SGF29: variants seen among roughly 807,000 people sequenced by gnomAD.
SGF29 encodes the protein SAGA complex associated factor 29.
In SGF29, 15 loss-of-function variants were observed where a neutral mutation model predicts 38.1. The observed-to-expected ratio is 0.39, with a 90% CI of 0.26 to 0.61. The LOEUF is 0.61. Among genes scored for constraint, SGF29 ranks in the 20% least tolerant of loss-of-function variants. The pLI is 0.49. For synonymous variants in SGF29, 151 were observed against 160.8 expected (o/e 0.94, Z 0.46); for missense variants, 184 against 394.6 (o/e 0.47, Z 4.52).
Position 28,590,522 on chromosome 16 carries a change from C to T in SGF29, c.566+80C>T. The T allele has an allele frequency of 2.5e-6, 4 of 1,612,854 alleles. No homozygotes were observed. The highest frequency in any genetic ancestry group is 3.4e-6 in the Non-Finnish European group (4 of 1,179,458). ...CGGGAGAAAAGCTCTGCAGAGGGTGCTCCCCAGAGGCTGGTTGTGCAGGGA... is the reference window on the plus strand; with the variant it reads ...CGGGAGAAAAGCTCTGCAGAGGGTGTTCCCCAGAGGCTGGTTGTGCAGGGA... On this transcript the variant is annotated intron_variant, in intron 7 of 9. Transcript: ENST00000317058. The surrounding 1 kb of genome is among the most constrained non-coding windows in gnomAD (Gnocchi z 8.2).
Position 28,591,723 on chromosome 16 carries a change from C to A in SGF29, c.*17C>A. On this transcript the variant is annotated 3_prime_UTR_variant, in exon 10 of 10. Coordinates refer to ENST00000317058, the MANE Select transcript of SGF29 (RefSeq NM_138414.3). ...AAAAAGTGATGCCGCCTGGCAGACT[C>A]GCCATCCCCCAACGACACAGGGCAG... is the stretch of plus-strand genomic sequence containing the variant. The A allele has an allele frequency of 6.4e-7, 1 of 1,570,952 alleles. No individual in the cohort carries two copies. The highest frequency in any genetic ancestry group is 8.8e-7 in the Non-Finnish European group (1 of 1,141,010).
chr16:28,557,344 A>G (rs927346665), intron 1 of SGF29, among the ~76,000 whole-genome samples: 1 of 152,234 alleles, frequency 6.6e-6, no homozygotes, highest in Non-Finnish European at 1.5e-5. Context: ...TAAAATATAT[A>G]TCTGGTTTGT....
intron 1 of SGF29, among the ~76,000 whole-genome samples, chr16:28,571,680 T>G (rs1268135939): frequency 6.6e-6 from 1 of 151,814 alleles, no homozygotes; most frequent in Non-Finnish European, 1.5e-5. Flanking sequence ...GGTTCATAGT[T>G]GACGCGGTAG....
intron 1 of SGF29, among the ~76,000 whole-genome samples, chr16:28,572,260 G>A (rs1257960063): frequency 6.6e-6 from 1 of 151,350 alleles, no homozygotes; most frequent in Non-Finnish European, 1.5e-5. Context: ...ACAGGCGTGA[G>A]CCACTGCGCC....
At chr16:28,564,766 TATATATGTATATATATATATACACAC>T (rs1567286209) in intron 1 of SGF29, among the ~76,000 whole-genome samples, 6 of 59,802 alleles carry the variant, frequency 1.0e-4, no homozygotes, top group African/African-American at 2.5e-4. Context: ...TATATATGTA[TATATATGTATATATATATATACACAC>T]ACACACACAC....
chr16:28,585,513 C>A, intron 3 of SGF29, 135 bp from the exon 4 acceptor site: 1 of 794,068 alleles, frequency 1.3e-6, no homozygotes, highest in South Asian at 1.5e-5. Context: ...CAGGAGCACT[C>A]CTGAGCCAGC....
chr16:28,564,405 G>C (rs1473896171), intron 1 of SGF29, among the ~76,000 whole-genome samples: 2 of 150,788 alleles, frequency 1.3e-5, no homozygotes, highest in African/African-American at 4.9e-5. Context: ...CTTCCACCGG[G>C]TTAGAGAAGG....
chr16:28,567,775 A>G (rs2046843077), intron 1 of SGF29, among the ~76,000 whole-genome samples: 1 of 152,196 alleles, frequency 6.6e-6, no homozygotes, highest in African/African-American at 2.4e-5. Flanking sequence ...GGAACATGTT[A>G]GTGGAAACTG....
At chr16:28,572,255 C>A (rs374850306) in intron 1 of SGF29, among the ~76,000 whole-genome samples, 4 of 151,738 alleles carry the variant, frequency 2.6e-5, no homozygotes, top group Admixed American at 2.6e-4. Flanking sequence ...GGATTACAGG[C>A]GTGAGCCACT....
At chr16:28,564,624 CAT>C (rs1261090220) in intron 1 of SGF29, among the ~76,000 whole-genome samples, 4 of 98,758 alleles carry the variant, frequency 4.1e-5, no homozygotes, top group East Asian at 2.4e-4. Context: ...TACATATATG[CAT>C]ATATATACGT....
intron 4 of SGF29, 122 bp from the exon 5 acceptor site, chr16:28,588,978 G>A: frequency 2.0e-6 from 2 of 990,736 alleles, no homozygotes; most frequent in Non-Finnish European, 3.1e-6. Flanking sequence ...GCTACTGTGA[G>A]AACCTCTGGA....
At chr16:28,570,209 C>T (rs1435993615) in intron 1 of SGF29, among the ~76,000 whole-genome samples, 2 of 152,226 alleles carry the variant, frequency 1.3e-5, no homozygotes, top group Non-Finnish European at 2.9e-5. Context: ...GCCCAGCAAA[C>T]CTGTACAGGC....
chr16:28,585,359 G>A, intron 3 of SGF29: 1 of 545,748 alleles, frequency 1.8e-6, no homozygotes, highest in East Asian at 3.1e-5. Context: ...GGGTAACTCT[G>A]AGAATTGTGT....
intron 2 of SGF29, among the ~76,000 whole-genome samples, chr16:28,583,390 C>T (rs56236750): frequency 0.1 from 15,758 of 152,260 alleles, 924 homozygotes; most frequent in Middle Eastern, 0.18. Flanking sequence ...GTATCCCCCC[C>T]CAACCCCAAT....
At chr16:28,571,813 G>A (rs560380650) in intron 1 of SGF29, among the ~76,000 whole-genome samples, 1 of 152,164 alleles carries the variant, frequency 6.6e-6, no homozygotes, top group South Asian at 2.1e-4. Flanking sequence ...GGGGTGTGAA[G>A]TAGTGAAAAT....
chr16:28,588,928 C>T (rs1256853545), intron 4 of SGF29, among the ~76,000 whole-genome samples, 172 bp from the exon 5 acceptor site: 1 of 152,168 alleles, frequency 6.6e-6, no homozygotes, highest in African/African-American at 2.4e-5. Flanking sequence ...TTGACCAGAA[C>T]AGGAACCTGC....
At chr16:28,564,703 A>ATG (rs2046820663) in intron 1 of SGF29, among the ~76,000 whole-genome samples, 1 of 80,276 alleles carries the variant, frequency 1.2e-5, no homozygotes, top group African/African-American at 5.1e-5. Context: ...ATATGTATAT[A>ATG]TATACATATA....
At chr16:28,560,395 C>G (rs990642473) in intron 1 of SGF29, among the ~76,000 whole-genome samples, 1 of 149,678 alleles carries the variant, frequency 6.7e-6, no homozygotes, top group African/African-American at 2.5e-5. Context: ...TCGAGACCAG[C>G]CTGACCAACA....
chr16:28,589,556 G>T, intron 5 of SGF29: 1 of 221,138 alleles, frequency 4.5e-6, no homozygotes, highest in Non-Finnish European at 9.1e-6. Flanking sequence ...TCTCCTACCT[G>T]TCTGCCCTCC....
Sources: gnomAD v4.1 joint callset for allele counts (sites outside exome capture counted in the v4.1 genomes callset) on GRCh38, gnomAD v4.1.1 for gene constraint, Gnocchi (gnomAD v3.1) non-coding constraint, MANE v1.5 for transcripts, NCBI Gene and HGNC (gene_info 2026-07-23, HGNC 2026-07-21) for gene names.